CPQ: variants seen among roughly 807,000 people sequenced by gnomAD.
CPQ encodes Ser-Met dipeptidase.
CPQ carries 37 observed loss-of-function variants against 45.7 expected under a neutral mutation model. That is an observed-to-expected ratio of 0.81 (90% CI 0.62 to 1.07). CPQ has a LOEUF of 1.07. Ranked by LOEUF, CPQ falls within the 50% of genes least tolerant of loss-of-function variation. The pLI is 0.00. For missense variants in CPQ, 537 were observed against 572.9 expected, an observed-to-expected ratio of 0.94 and a Z score of 0.64; for synonymous variants, 186 against 205.8, an observed-to-expected ratio of 0.90 and a Z score of 0.82.
chr8:96,745,042 G>A (rs534464378), intron 1 of CPQ, among the ~76,000 whole-genome samples: 52 of 152,328 alleles, frequency 3.4e-4, no homozygotes, highest in African/African-American at 1.1e-3. Context: ...GGGTGCAGTG[G>A]CTCACGCCTG....
intron 7 of CPQ, among the ~76,000 whole-genome samples, chr8:97,136,525 T>G (rs1420526110): frequency 6.6e-6 from 1 of 152,212 alleles, no homozygotes; most frequent in African/African-American, 2.4e-5. Context: ...TTTACATCAT[T>G]CTTTCAAAGT....
intron 3 of CPQ, among the ~76,000 whole-genome samples, chr8:96,844,410 T>A (rs2130855592): frequency 6.6e-6 from 1 of 152,300 alleles, no homozygotes; most frequent in African/African-American, 2.4e-5. Context: ...TTGGAGTCTA[T>A]CAAAGGTAAC....
At chr8:96,902,409 C>A (rs1219166347) in intron 4 of CPQ, among the ~76,000 whole-genome samples, 3 of 152,202 alleles carry the variant, frequency 2.0e-5, no homozygotes, top group Non-Finnish European at 4.4e-5. Flanking sequence ...CCTCGATAGA[C>A]TTTTCCCAAA....
chr8:96,944,285 T>A (rs1330297928), intron 4 of CPQ, among the ~76,000 whole-genome samples: 1 of 152,108 alleles, frequency 6.6e-6, no homozygotes, highest in East Asian at 1.9e-4. Flanking sequence ...TCCTACAGCC[T>A]TGGGTTGAGA....
At chr8:96,673,711 A>C (rs1033407361) in intron 1 of CPQ, among the ~76,000 whole-genome samples, 1 of 152,178 alleles carries the variant, frequency 6.6e-6, no homozygotes, top group Non-Finnish European at 1.5e-5. Flanking sequence ...TGGGACATCC[A>C]TAAGACTTCA....
intron 7 of CPQ, among the ~76,000 whole-genome samples, chr8:97,089,941 G>A (rs1042983928): frequency 1.3e-5 from 2 of 152,084 alleles, no homozygotes; most frequent in South Asian, 4.1e-4. Context: ...GTTCCCCTGC[G>A]GGCTAAGAAG....
At chr8:96,747,306 A>C (rs200768239) in intron 1 of CPQ, among the ~76,000 whole-genome samples, 1 of 151,830 alleles carries the variant, frequency 6.6e-6, no homozygotes, top group Non-Finnish European at 1.5e-5. Context: ...AAAAAAAAAA[A>C]AACACTGTTT....
intron 7 of CPQ, among the ~76,000 whole-genome samples, chr8:97,083,225 A>AG (rs754233827): frequency 1.3e-5 from 2 of 152,196 alleles, no homozygotes; most frequent in Admixed American, 6.5e-5. Context: ...TGGTTTTCCA[A>AG]GGGGGGTGAA....
At chr8:96,985,163 G>A (rs532375889) in intron 5 of CPQ, among the ~76,000 whole-genome samples, 4 of 151,976 alleles carry the variant, frequency 2.6e-5, no homozygotes, top group African/African-American at 9.6e-5. Flanking sequence ...AGTTGTATCA[G>A]TGATGATCTG....
chr8:96,814,500 G>C (rs1350579082), intron 2 of CPQ, among the ~76,000 whole-genome samples: 1 of 152,086 alleles, frequency 6.6e-6, no homozygotes, highest in African/African-American at 2.4e-5. Context: ...TATTTGCCTT[G>C]GAAAAATTTA....
chr8:97,037,459 T>C (rs571364413), intron 6 of CPQ, among the ~76,000 whole-genome samples: 1 of 152,314 alleles, frequency 6.6e-6, no homozygotes, highest in African/African-American at 2.4e-5. Context: ...CTGTGCAGTA[T>C]AGACGTACTA....
Position 97,143,082 on chromosome 8 carries a change from A to G in CPQ, c.1318A>G (p.Met440Val), listed in dbSNP as rs2130636663. The change falls in exon 8 of 8, where the codon ATG becomes GTG. Residue 440 changes from methionine (M) to valine (V), a missense_variant. Physicochemically the swap from Met to Val is conservative, Grantham distance 21. Transcript: ENST00000220763. ...FFFHHSHGDT[M>V]TVMDPKQMNV... ...CTTCCATCACTCCCACGGAGACACC[A>G]TGACTGTCATGGATCCAAAGCAGAT... is the stretch of plus-strand genomic sequence containing the variant. 1 of 1,613,952 alleles carries G rather than the reference A, an allele frequency of 6.2e-7. No individual in the cohort carries two copies. The highest frequency in any genetic ancestry group is 8.5e-7 in the Non-Finnish European group (1 of 1,179,892).
At chr8:96,779,186 G>C (rs1269923360) in intron 1 of CPQ, among the ~76,000 whole-genome samples, 2 of 151,838 alleles carry the variant, frequency 1.3e-5, no homozygotes, top group African/African-American at 2.4e-5. Context: ...CCTAAGTTCT[G>C]GTGGTCCCTC....
intron 1 of CPQ, among the ~76,000 whole-genome samples, chr8:96,743,295 C>G (rs938936907): frequency 1.3e-5 from 2 of 151,798 alleles, no homozygotes; most frequent in African/African-American, 4.8e-5. Flanking sequence ...GCATTCTTCA[C>G]GTAGTTCTCG....
intron 1 of CPQ, among the ~76,000 whole-genome samples, chr8:96,674,909 A>G (rs952581575): frequency 1.3e-5 from 2 of 152,074 alleles, no homozygotes; most frequent in Admixed American, 6.6e-5. Context: ...ATTTTCTCAG[A>G]CAGACCATAA....
At chr8:97,112,901 A>G (rs1408948434) in intron 7 of CPQ, among the ~76,000 whole-genome samples, 4 of 152,224 alleles carry the variant, frequency 2.6e-5, no homozygotes, top group African/African-American at 4.8e-5. Flanking sequence ...GAAGTTGGGA[A>G]GACTAGAAGC....
At chr8:96,799,850 T>C (rs1306137393) in intron 2 of CPQ, among the ~76,000 whole-genome samples, 2 of 152,168 alleles carry the variant, frequency 1.3e-5, no homozygotes, top group Non-Finnish European at 2.9e-5. Flanking sequence ...GCCTTCCCAG[T>C]AGCCTTCCCT....
At position 96,846,088 on chromosome 8, in the gene CPQ, G is replaced by A. The variant is rs146513184; in HGVS notation, c.641+10908G>A. ...CCACCTCAGCTTCCCAAAATGCTGGGATTGCAGGCATGAGCCACGGCGCCC... is the reference window on the plus strand; with the variant it reads ...CCACCTCAGCTTCCCAAAATGCTGGAATTGCAGGCATGAGCCACGGCGCCC... On this transcript the variant is annotated intron_variant, in intron 3 of 7. Transcript: ENST00000220763. Among the ~76,000 whole-genome samples, 784 of 152,296 alleles carry A rather than the reference G, an allele frequency of 5.1e-3. 8 individuals are homozygous for A. Among genetic ancestry groups the A allele is most frequent in the African/African-American group, 0.018 (746 of 41,558 alleles).
intron 4 of CPQ, among the ~76,000 whole-genome samples, chr8:96,928,687 T>G (rs1812927472): frequency 6.6e-6 from 1 of 152,202 alleles, no homozygotes; most frequent in Admixed American, 6.5e-5. Context: ...TCTGTAGAGC[T>G]GCCAGATTTC....
Sources: allele counts gnomAD v4.1 joint callset (sites outside exome capture counted in the v4.1 genomes callset), GRCh38; gene constraint gnomAD v4.1.1; transcripts MANE v1.5; gene names NCBI Gene and HGNC (gene_info 2026-07-23, HGNC 2026-07-21).